Variants in FARP2 observed in about 807,000 individuals in gnomAD.
FARP2 encodes the protein FERM, ARH/RhoGEF and pleckstrin domain protein 2, also known as FERM, ARHGEF and pleckstrin domain-containing protein 2.
FARP2 carries 111 observed loss-of-function variants against 130.5 expected under a neutral mutation model. The ratio of observed to expected loss-of-function variants is 0.85; its 90% CI spans 0.73 to 1.00. FARP2 has a LOEUF of 1.00. Among genes scored for constraint, FARP2 ranks in the 50% least tolerant of loss-of-function variants. FARP2 has a pLI of 0.00. For missense variants in FARP2, 1,385 were observed against 1,346.3 expected (o/e 1.03, Z -0.45); for synonymous variants, 504 against 516.9 (o/e 0.98, Z 0.34).
chr2:241,392,346 C>T (rs2061927245), intron 2 of FARP2, among the ~76,000 whole-genome samples: 1 of 152,176 alleles, frequency 6.6e-6, no homozygotes, highest in South Asian at 2.1e-4. Flanking sequence ...ACTCCAGTGT[C>T]ACAAAGCAGG....
At chr2:241,438,387 A>G (rs80328736) in intron 12 of FARP2, among the ~76,000 whole-genome samples, 7 of 152,142 alleles carry the variant, frequency 4.6e-5, no homozygotes, top group Admixed American at 1.3e-4. Context: ...AGACCTATCT[A>G]TCTGAAGATT....
At chr2:241,489,022 C>T (rs1457245410) in intron 21 of FARP2, 1 of 152,250 alleles carries the variant, frequency 6.6e-6, no homozygotes, top group Non-Finnish European at 1.5e-5. Context: ...AAATTCCTTA[C>T]AAAAACACCA....
At chr2:241,483,644 C>G (rs565574377) in intron 20 of FARP2, 111 bp downstream of exon 20, 1 of 1,314,598 alleles carries the variant, frequency 7.6e-7, no homozygotes, top group Admixed American at 1.9e-5. Context: ...TAGTTTAGCA[C>G]TTGGAGGCTT....
intron 18 of FARP2, among the ~76,000 whole-genome samples, chr2:241,468,720 A>G (rs1471164418): frequency 3.3e-5 from 5 of 152,236 alleles, no homozygotes; most frequent in Non-Finnish European, 7.3e-5. Flanking sequence ...CAGCCCCCAC[A>G]AGTGCACTGG....
At chr2:241,395,034 G>C (rs185442286) in intron 2 of FARP2, among the ~76,000 whole-genome samples, 1 of 152,216 alleles carries the variant, frequency 6.6e-6, no homozygotes, top group Non-Finnish European at 1.5e-5. Context: ...CGGCTTTCCT[G>C]TGCTACCTTA....
In FARP2 at chr2:241,494,351, C is replaced by T. The variant is rs981284543; in HGVS notation, c.*226C>T. ...TATCTGGGGCCCTGGGAAAAATGTG[C>T]GAGTCTTGAGCGCGGAGCCGCTCAA... is the stretch of plus-strand genomic sequence containing the variant. On this transcript the variant is annotated 3_prime_UTR_variant, in exon 27 of 27. Transcript: ENST00000264042. The surrounding 1 kb of genome is among the most constrained non-coding windows in gnomAD (Gnocchi z 4.9). 1.4e-5 allele frequency: 5 copies of T among 360,360 alleles called. No individual in the cohort carries two copies. Among genetic ancestry groups the T allele is most frequent in the African/African-American group, 2.1e-5 (1 of 47,492 alleles). The allele number at this position is 360,360 out of a possible 1,614,324, so 22.3% of individuals were successfully genotyped here.
At chr2:241,418,192 A>C (rs931112284) in intron 8 of FARP2, 83 bp downstream of exon 8, 1 of 1,484,246 alleles carries the variant, frequency 6.7e-7, no homozygotes, top group Non-Finnish European at 9.3e-7. Flanking sequence ...TATAGATGTT[A>C]GTAAATATTT....
chr2:241,427,873 C>T (rs1354617969), intron 8 of FARP2, among the ~76,000 whole-genome samples: 3 of 151,930 alleles, frequency 2.0e-5, no homozygotes, highest in African/African-American at 7.3e-5. Flanking sequence ...TCAAGCGATT[C>T]TCCTGCCTCA....
intron 13 of FARP2, among the ~76,000 whole-genome samples, chr2:241,455,717 CT>C (rs2063814168): frequency 6.8e-6 from 1 of 146,568 alleles, no homozygotes; most frequent in Non-Finnish European, 1.5e-5. Context: ...AATTCCTTCT[CT>C]AAAACTCTAA....
chr2:241,464,591 C>T (rs1559797201), intron 17 of FARP2, among the ~76,000 whole-genome samples: 2 of 152,088 alleles, frequency 1.3e-5, no homozygotes, highest in African/African-American at 2.4e-5. Flanking sequence ...AAACAGGGTC[C>T]TCTCAGAACA....
Position 241,462,572 on chromosome 2 carries a change from C to G in FARP2, c.1637C>G (p.Thr546Arg). The G allele has an allele frequency of 6.2e-7, 1 of 1,613,834 alleles. No homozygotes were observed. Among genetic ancestry groups the G allele is most frequent in the South Asian group, 1.1e-5 (1 of 91,072 alleles). Reference protein sequence around the residue: ...AYFIVKEILATERTYLKDLEV... With the variant: ...AYFIVKEILARERTYLKDLEV... ...TTCATAGTCAAAGAGATTCTCGCTA[C>G]AGAACGAACATACCTCAAGGATTTA... Residue 546 changes from threonine (T) to arginine (R), a missense_variant, in exon 15 of 27, where the codon ACA becomes AGA. Physicochemically the swap from Thr to Arg is moderately conservative, Grantham distance 71. Transcript: ENST00000264042.
At chr2:241,449,824 C>G (rs2063603271) in intron 13 of FARP2, among the ~76,000 whole-genome samples, 1 of 151,908 alleles carries the variant, frequency 6.6e-6, no homozygotes, top group Non-Finnish European at 1.5e-5. Context: ...CAGTGAAACC[C>G]CATCTCTACT....
chr2:241,436,947 C>T lies in FARP2; in HGVS notation c.1158+409C>T, dbSNP rs975578824. 4.6e-5 allele frequency among the ~76,000 whole-genome samples: 7 copies of T among 152,146 alleles called. No homozygotes were observed. The East Asian group carries it at 1.3e-3, about 29-fold the overall frequency. ...GCTACAGTGAGCCAAGATAGTGGCA[C>T]TACACTCCAGCCTGGATGACAGAAC... On this transcript the variant is annotated intron_variant, in intron 12 of 26. Transcript: ENST00000264042.
chr2:241,431,736 A>G lies in FARP2; in HGVS notation c.829A>G (p.Arg277Gly), dbSNP rs1300961479. Residue 277 changes from arginine (R) to glycine (G), a missense_variant, in exon 9 of 27, where the codon AGG (arginine) becomes GGG (glycine). Transcript: ENST00000264042. The part of the protein sequence containing the change: ...WSKVRKLSFK[R>G]KRFLIKLHPE... ...CAAGGTCCGTAAACTAAGCTTCAAG[A>G]GGAAAAGATTTCTTATCAAACTTCA... is the stretch of plus-strand genomic sequence containing the variant. 6.3e-7 allele frequency: 1 copy of G among 1,595,964 alleles called. No homozygotes were observed. The highest frequency in any genetic ancestry group is 1.3e-5 in the African/African-American group (1 of 74,318).
intron 5 of FARP2, 72 bp downstream of exon 5, chr2:241,407,687 T>G (rs937314317): frequency 4.3e-6 from 5 of 1,168,010 alleles, no homozygotes; most frequent in African/African-American, 1.5e-5. Flanking sequence ...CCACAGCACC[T>G]GGCTCATTGA....
chr2:241,375,924 T>TA (rs2061526190), intron 2 of FARP2, among the ~76,000 whole-genome samples: 1 of 152,198 alleles, frequency 6.6e-6, no homozygotes, highest in Admixed American at 6.5e-5. Flanking sequence ...TGCCTGCTGA[T>TA]ACACACCTTT....
intron 13 of FARP2, chr2:241,442,299 G>A (rs1198757010): frequency 2.2e-6 from 1 of 456,590 alleles, no homozygotes; most frequent in Admixed American, 2.4e-5. Flanking sequence ...CGGCCTTCCA[G>A]TTCTCTGACA....
rs145392931 is a variant in FARP2 at position 241,435,038 on chromosome 2, C to T, written c.1100+8C>T. ...GAGAATTCCATATGAAAGGTAAGCTCTGGCCTTTATGATGTAAAGTGTGTG... is the reference window on the plus strand; with the variant it reads ...GAGAATTCCATATGAAAGGTAAGCTTTGGCCTTTATGATGTAAAGTGTGTG... On this transcript the variant is annotated splice_region_variant and intron_variant, in intron 11 of 26. Transcript: ENST00000264042. 7,328 of 1,536,950 alleles carry T rather than the reference C, an allele frequency of 4.8e-3. 39 individuals are homozygous for T. Among genetic ancestry groups the T allele is most frequent in the Middle Eastern group, 0.03 (175 of 5,830 alleles).
chr2:241,417,357 TTTTC>T (rs2062700268), intron 7 of FARP2, among the ~76,000 whole-genome samples: 1 of 151,798 alleles, frequency 6.6e-6, no homozygotes, highest in Non-Finnish European at 1.5e-5. Context: ...GTCACACTCA[TTTTC>T]TTTCTTTTTC....
Sources: allele counts gnomAD v4.1 joint callset (sites outside exome capture counted in the v4.1 genomes callset), GRCh38; gene constraint gnomAD v4.1.1; non-coding constraint Gnocchi (gnomAD v3.1); transcripts MANE v1.5; gene names NCBI Gene and HGNC (gene_info 2026-07-23, HGNC 2026-07-21).